MYO5B: variants seen among roughly 807,000 people sequenced by gnomAD.
The protein encoded by MYO5B is unconventional myosin-Vb.
MYO5B carries 143 observed loss-of-function variants against 229.3 expected under a neutral mutation model. The observed-to-expected ratio is 0.62, with a 90% CI of 0.54 to 0.72. The LOEUF (loss-of-function observed/expected upper bound fraction) is 0.72. MYO5B is among the 30% of genes least tolerant of loss of function. The pLI, the probability that MYO5B is intolerant of heterozygous loss-of-function variation, is 0.00. For synonymous variants in MYO5B, 918 were observed against 885.2 expected (o/e 1.04, Z -0.66); for missense variants, 2,321 against 2,331.0 (o/e 1.00, Z 0.09).
chr18:49,906,589 AAAG>A lies in MYO5B; in HGVS notation c.2241_2243del (p.Phe748del), dbSNP rs1490814880. 4 of 1,613,998 alleles carry A rather than the reference AAAG, an allele frequency of 2.5e-6. No individual in the cohort carries two copies. Among genetic ancestry groups the A allele is most frequent in the African/African-American group, 1.3e-5 (1 of 74,918 alleles). On this transcript the variant is annotated inframe_deletion, in exon 19 of 40. Coordinates refer to ENST00000285039, the MANE Select transcript of MYO5B (RefSeq NM_001080467.3). ...CCAGGTAGGCCACCTGGCCTGCTCGAAAGAAGATCTTGGTGCGGCCAAACTGGA... is the reference window on the plus strand; with the variant it reads ...CCAGGTAGGCCACCTGGCCTGCTCGAAAGATCTTGGTGCGGCCAAACTGGA...
intron 21 of MYO5B, 61 bp downstream of exon 21, chr18:49,902,533 C>G: frequency 6.3e-7 from 1 of 1,599,486 alleles, no homozygotes; most frequent in Non-Finnish European, 8.5e-7. Context: ...GCTGTGGGCT[C>G]TCTCAAAATG....
At chr18:50,016,394 A>G (rs1324016840) in intron 4 of MYO5B, among the ~76,000 whole-genome samples, 1 of 152,214 alleles carries the variant, frequency 6.6e-6, no homozygotes, top group East Asian at 1.9e-4. Context: ...ATAAAAAGGT[A>G]GATTTATTTC....
At chr18:50,041,670 T>C (rs1410725111) in intron 2 of MYO5B, among the ~76,000 whole-genome samples, 2 of 152,108 alleles carry the variant, frequency 1.3e-5, no homozygotes, top group Non-Finnish European at 2.9e-5. Context: ...AGAACAAACA[T>C]TAAAAAAAAA....
intron 17 of MYO5B, among the ~76,000 whole-genome samples, chr18:49,928,788 T>C (rs1000189390): frequency 1.3e-5 from 2 of 152,068 alleles, no homozygotes; most frequent in African/African-American, 4.8e-5. Flanking sequence ...TACTCAGCCA[T>C]AAAAAGGAAC....
intron 30 of MYO5B, among the ~76,000 whole-genome samples, chr18:49,854,495 T>A (rs2024237528): frequency 6.6e-6 from 1 of 152,244 alleles, no homozygotes; most frequent in Non-Finnish European, 1.5e-5. Context: ...ATGACCATGA[T>A]GTTGTCCTTC....
intron 16 of MYO5B, among the ~76,000 whole-genome samples, chr18:49,931,852 C>A (rs568459431): frequency 6.6e-6 from 1 of 152,298 alleles, no homozygotes; most frequent in Admixed American, 6.5e-5. Flanking sequence ...AAAAGGCATC[C>A]TGTGGCCTGC....
chr18:50,186,835 G>T (rs551719917), intron 1 of MYO5B, among the ~76,000 whole-genome samples: 7 of 152,258 alleles, frequency 4.6e-5, no homozygotes, highest in African/African-American at 1.7e-4. Flanking sequence ...GGAGCTGAGA[G>T]CGCCACAATA....
chr18:50,064,855 T>C (rs1035037846), intron 1 of MYO5B, among the ~76,000 whole-genome samples: 1 of 152,244 alleles, frequency 6.6e-6, no homozygotes, highest in Non-Finnish European at 1.5e-5. Flanking sequence ...AAGCACTGAC[T>C]GAAGTTATTT....
intron 1 of MYO5B, among the ~76,000 whole-genome samples, chr18:50,113,713 G>A (rs1013786521): frequency 6.6e-6 from 1 of 152,216 alleles, no homozygotes; most frequent in Admixed American, 6.5e-5. Context: ...TCATGGCAGA[G>A]TCCATCAGTG....
At chr18:49,955,243 C>T (rs2025479892) in intron 12 of MYO5B, among the ~76,000 whole-genome samples, 2 of 152,206 alleles carry the variant, frequency 1.3e-5, no homozygotes, top group African/African-American at 4.8e-5. Flanking sequence ...AAGGGCAGCC[C>T]CTTTCAATAT....
At chr18:50,054,202 C>T (rs1346226974) in intron 2 of MYO5B, among the ~76,000 whole-genome samples, 1 of 152,182 alleles carries the variant, frequency 6.6e-6, no homozygotes, top group Non-Finnish European at 1.5e-5. Context: ...CCTGAATCTT[C>T]CATGGCCAGC....
At chr18:50,013,300 T>C (rs1033061465) in intron 4 of MYO5B, among the ~76,000 whole-genome samples, 1 of 152,156 alleles carries the variant, frequency 6.6e-6, no homozygotes, top group African/African-American at 2.4e-5. Context: ...CTTGGAGTGG[T>C]AACATCTGGG....
In MYO5B at chr18:49,823,444, T is replaced by C. The variant is rs2023796861; in HGVS notation, c.*3027A>G. On this transcript the variant is annotated 3_prime_UTR_variant, in exon 40 of 40. Coordinates refer to ENST00000285039, the MANE Select transcript of MYO5B (RefSeq NM_001080467.3). ...TTGCTGTCTTAGTAGGTCAAGTGTATGAAAATTTACTTTATGCAGAAGAAA... is the reference window on the plus strand; with the variant it reads ...TTGCTGTCTTAGTAGGTCAAGTGTACGAAAATTTACTTTATGCAGAAGAAA... 1 of 152,320 alleles carries C rather than the reference T, an allele frequency of 6.6e-6. No individual in the cohort carries two copies. Among genetic ancestry groups the C allele is most frequent in the African/African-American group, 2.4e-5 (1 of 41,488 alleles). 9.4% of individuals were successfully genotyped at this position (152,320 alleles called of 1,614,324 possible).
chr18:50,076,081 A>G (rs2031071624), intron 1 of MYO5B, among the ~76,000 whole-genome samples: 1 of 152,206 alleles, frequency 6.6e-6, no homozygotes, highest in African/African-American at 2.4e-5. Flanking sequence ...AATAGTCTCA[A>G]AAGAAGTCAC....
chr18:49,988,732 G>A (rs1299247232), intron 7 of MYO5B, among the ~76,000 whole-genome samples: 1 of 152,190 alleles, frequency 6.6e-6, no homozygotes, highest in African/African-American at 2.4e-5. Context: ...AGAGGAGGAT[G>A]GCAGTGGCCC....
At chr18:50,033,406 GCA>G (rs1568078883) in intron 4 of MYO5B, among the ~76,000 whole-genome samples, 1 of 152,114 alleles carries the variant, frequency 6.6e-6, no homozygotes, top group African/African-American at 2.4e-5. Context: ...TGACACCGTG[GCA>G]CAGTTTCTAT....
intron 1 of MYO5B, among the ~76,000 whole-genome samples, chr18:50,127,699 T>C (rs2032188733): frequency 6.6e-6 from 1 of 152,208 alleles, no homozygotes; most frequent in Admixed American, 6.5e-5. Flanking sequence ...ATCAATTTTA[T>C]GTGTCAACTT....
chr18:49,929,127 A>G (rs1223297995), intron 17 of MYO5B, among the ~76,000 whole-genome samples: 5 of 152,202 alleles, frequency 3.3e-5, no homozygotes, highest in Admixed American at 6.5e-5. Context: ...AAAAATTTAA[A>G]AAGTAGTTAA....
At chr18:49,888,221 C>T (rs1354410155) in intron 22 of MYO5B, among the ~76,000 whole-genome samples, 1 of 152,176 alleles carries the variant, frequency 6.6e-6, no homozygotes, top group Non-Finnish European at 1.5e-5. Flanking sequence ...TGTTCAGCAG[C>T]ATCCCTGGCT....
Sources: gnomAD v4.1 joint callset for allele counts (sites outside exome capture counted in the v4.1 genomes callset) on GRCh38, gnomAD v4.1.1 for gene constraint, MANE v1.5 for transcripts, NCBI Gene and HGNC (gene_info 2026-07-23, HGNC 2026-07-21) for gene names.